Variants in IHO1 observed in about 807,000 individuals in gnomAD.
IHO1 encodes the protein interactor of HORMAD1 protein 1.
IHO1 carries 13 observed loss-of-function variants against 31.0 expected under a neutral mutation model. The ratio of observed to expected loss-of-function variants is 0.42; its 90% CI spans 0.27 to 0.67. The LOEUF is 0.67. Ranked by LOEUF, IHO1 falls within the 30% of genes least tolerant of loss-of-function variation. IHO1 has a pLI of 0.24. For synonymous variants in IHO1, 221 were observed against 248.4 expected, an observed-to-expected ratio of 0.89 and a Z score of 1.04; for missense variants, 599 against 687.5, an observed-to-expected ratio of 0.87 and a Z score of 1.44.
intron 1 of IHO1, chr3:49,200,475 A>AAAGAAAGAAAGGAAGAAAGAAAG (rs367907809): frequency 9.6e-6 from 1 of 103,858 alleles, no homozygotes; most frequent in Non-Finnish European, 1.3e-5. Flanking sequence ...AAAAAAAAAA[A>AAAGAAAGAAAGGAAGAAAGAAAG]AAAGAAAGAA....
At chr3:49,253,280 C>G (rs1042344188) in intron 6 of IHO1, among the ~76,000 whole-genome samples, 2 of 151,992 alleles carry the variant, frequency 1.3e-5, no homozygotes, top group Non-Finnish European at 2.9e-5. Context: ...CAATTAATAG[C>G]TGGGCATGGT....
At chr3:49,225,174 G>T (rs1051640579) in intron 2 of IHO1, among the ~76,000 whole-genome samples, 2 of 152,180 alleles carry the variant, frequency 1.3e-5, no homozygotes, top group Non-Finnish European at 2.9e-5. Context: ...GATGTATAAA[G>T]AGAAGTTTTG....
chr3:49,228,760 T>C (rs2046446274), intron 2 of IHO1, among the ~76,000 whole-genome samples: 1 of 152,152 alleles, frequency 6.6e-6, no homozygotes, highest in African/African-American at 2.4e-5. Flanking sequence ...GTGTCACAGC[T>C]CTTAAAGGTG....
At chr3:49,240,107 ACGATCTT>A (rs2046612855) in intron 3 of IHO1, among the ~76,000 whole-genome samples, 1 of 152,002 alleles carries the variant, frequency 6.6e-6, no homozygotes, top group African/African-American at 2.4e-5. Flanking sequence ...GTGCAGTGGC[ACGATCTT>A]GGCTCACTGC....
chr3:49,196,879 C>T (rs1327128180), upstream of IHO1, among the ~76,000 whole-genome samples: 9 of 151,856 alleles, frequency 5.9e-5, no homozygotes, highest in Non-Finnish European at 1.0e-4. Context: ...GCTGTGTTAG[C>T]CAGGATGGTC....
chr3:49,200,561 T>G, intron 1 of IHO1: 1 of 978,152 alleles, frequency 1.0e-6, no homozygotes, highest in Non-Finnish European at 1.2e-6. Context: ...GGTGGTCAGA[T>G]GAGGTAGTCC....
In IHO1 at chr3:49,256,422, G is replaced by C. The variant is rs919052817; in HGVS notation, c.925G>C (p.Gly309Arg). The C allele has an allele frequency of 1.9e-6, 3 of 1,614,070 alleles. No homozygotes were observed. The highest frequency in any genetic ancestry group is 2.5e-6 in the Non-Finnish European group (3 of 1,180,052). The stretch of plus-strand genomic sequence containing the variant: ...GGCCCTCCCTGCTGCATGGAATCCT[G>C]GTATGGGCTCCCTACAGCCTGGAGA... ...AQALPAAWNP[G>R]MGSLQPGEFD... Residue 309 changes from glycine (G) to arginine (R), a missense_variant, in exon 8 of 8, where the codon GGT becomes CGT. Gly to Arg is a moderately radical substitution (Grantham distance 125, BLOSUM62 -2). Coordinates refer to ENST00000452691, the MANE Select transcript of IHO1 (RefSeq NM_001135197.2). This position sits in a 1 kb window ranked among gnomAD's most constrained non-coding sequence, Gnocchi z 4.6.
At chr3:49,225,842 A>C (rs895166727) in intron 2 of IHO1, among the ~76,000 whole-genome samples, 1 of 152,148 alleles carries the variant, frequency 6.6e-6, no homozygotes, top group Non-Finnish European at 1.5e-5. Flanking sequence ...TTCAGGAGGA[A>C]GTCAATTTCC....
At chr3:49,200,076 CAG>C (rs2046033520) in intron 1 of IHO1, among the ~76,000 whole-genome samples, 1 of 152,146 alleles carries the variant, frequency 6.6e-6, no homozygotes, top group Non-Finnish European at 1.5e-5. Context: ...CCGGTGGCCA[CAG>C]GGGGCCTGAA....
At chr3:49,200,475 A>AAAAGAAAGAAAGAAAGAAAGAAAG (rs1553615438) in intron 1 of IHO1, 72 of 103,812 alleles carry the variant, frequency 6.9e-4, no homozygotes, top group Admixed American at 1.3e-3. Context: ...AAAAAAAAAA[A>AAAAGAAAGAAAGAAAGAAAGAAAG]AAAGAAAGAA....
chr3:49,246,202 A>C (rs1258785781), intron 6 of IHO1, among the ~76,000 whole-genome samples: 1 of 150,624 alleles, frequency 6.6e-6, no homozygotes, highest in Admixed American at 6.6e-5. Context: ...AAAAAAAAAA[A>C]CTTGTTCTGG....
At chr3:49,236,348 G>T (rs2107718945) in intron 2 of IHO1, among the ~76,000 whole-genome samples, 200 bp from the exon 3 acceptor site, 1 of 152,128 alleles carries the variant, frequency 6.6e-6, no homozygotes, top group East Asian at 1.9e-4. Flanking sequence ...TTTCCATCTG[G>T]TTGTTCCCAG....
intron 3 of IHO1, among the ~76,000 whole-genome samples, chr3:49,240,864 G>A (rs576807210): frequency 1.2e-4 from 18 of 152,288 alleles, no homozygotes; most frequent in African/African-American, 4.1e-4. Context: ...TTCACTAGCA[G>A]CTGAGCAACA....
chr3:49,237,347 AAAAC>A (rs2046572490), intron 3 of IHO1, among the ~76,000 whole-genome samples: 2 of 152,174 alleles, frequency 1.3e-5, no homozygotes, highest in African/African-American at 2.4e-5. Flanking sequence ...ACTCTGTCTC[AAAAC>A]AAACAAACAA....
intron 2 of IHO1, among the ~76,000 whole-genome samples, chr3:49,234,386 C>G (rs1575579915): frequency 6.6e-6 from 1 of 151,552 alleles, no homozygotes; most frequent in African/African-American, 2.4e-5. Flanking sequence ...CACAGTGTTG[C>G]CCAGGCTGGT....
chr3:49,201,231 G>A (rs1316248103), intron 1 of IHO1, among the ~76,000 whole-genome samples: 1 of 151,784 alleles, frequency 6.6e-6, no homozygotes. Context: ...CTGACCTCGT[G>A]ATCCGCCTTT....
At chr3:49,251,003 G>A (rs1483274827) in intron 6 of IHO1, among the ~76,000 whole-genome samples, 1 of 151,780 alleles carries the variant, frequency 6.6e-6, no homozygotes, top group Non-Finnish European at 1.5e-5. Flanking sequence ...CAGCCTGGGC[G>A]ACAGAGTAAG....
At chr3:49,240,471 G>T (rs907823567) in intron 3 of IHO1, among the ~76,000 whole-genome samples, 1 of 151,884 alleles carries the variant, frequency 6.6e-6, no homozygotes, top group South Asian at 2.1e-4. Context: ...TGATCCGCCC[G>T]CCTCGGCCTC....
At chr3:49,238,007 T>C (rs1209024871) in intron 3 of IHO1, among the ~76,000 whole-genome samples, 3 of 142,670 alleles carry the variant, frequency 2.1e-5, no homozygotes, top group Non-Finnish European at 4.5e-5. Flanking sequence ...CAGGTTCAAG[T>C]AATTCTCCTG....
Sources: gnomAD v4.1 joint callset for allele counts (sites outside exome capture counted in the v4.1 genomes callset) on GRCh38, gnomAD v4.1.1 for gene constraint, Gnocchi (gnomAD v3.1) non-coding constraint, MANE v1.5 for transcripts, NCBI Gene and HGNC (gene_info 2026-07-23, HGNC 2026-07-21) for gene names.